GLRA3: variants seen among roughly 807,000 people sequenced by gnomAD.
GLRA3 encodes glycine receptor subunit alpha-3.
In GLRA3, 44 loss-of-function variants were observed where a neutral mutation model predicts 60.4. That is an observed-to-expected ratio of 0.73 (90% CI 0.57 to 0.94). The LOEUF (loss-of-function observed/expected upper bound fraction) is 0.94. GLRA3 is among the 40% of genes least tolerant of loss of function. GLRA3 has a pLI of 0.00. For missense variants in GLRA3, 508 were observed against 564.6 expected (o/e 0.90, Z 1.02); for synonymous variants, 223 against 192.9 (o/e 1.16, Z -1.29).
In GLRA3 at chr4:174,790,636, C is replaced by T. The variant is rs185770220; in HGVS notation, c.72-1693G>A. On this transcript the variant is annotated intron_variant, in intron 1 of 9. Transcript: ENST00000274093. Reference sequence around the variant, plus strand: ...TACCTCCTCCTACCAACAAATATACCAATTTATCTTGACCTGAACCAATAA... The same window carrying T: ...TACCTCCTCCTACCAACAAATATACTAATTTATCTTGACCTGAACCAATAA... Among the ~76,000 whole-genome samples the T allele has an allele frequency of 3.0e-3, 452 of 151,610 alleles. 5 individuals carry two copies. The highest frequency in any genetic ancestry group is 0.01 in the African/African-American group (419 of 41,362).
At chr4:174,810,023 TTCA>T (rs1740198718) in intron 1 of GLRA3, among the ~76,000 whole-genome samples, 1 of 152,202 alleles carries the variant, frequency 6.6e-6, no homozygotes. Flanking sequence ...CATTTTCATC[TTCA>T]AATAGGTTTT....
intron 5 of GLRA3, among the ~76,000 whole-genome samples, chr4:174,699,796 GTTAA>G (rs1561063759): frequency 9.9e-6 from 1 of 101,156 alleles, no homozygotes; most frequent in African/African-American, 3.5e-5. Flanking sequence ...AACATTATTT[GTTAA>G]TTATTTAATT....
intron 2 of GLRA3, among the ~76,000 whole-genome samples, chr4:174,788,140 A>C (rs1229480575): frequency 6.6e-6 from 1 of 152,098 alleles, no homozygotes; most frequent in African/African-American, 2.4e-5. Flanking sequence ...ATCTGGAAGC[A>C]GCTTTCTAAT....
At chr4:174,785,417 A>G (rs765405109) in intron 2 of GLRA3, among the ~76,000 whole-genome samples, 10 of 152,194 alleles carry the variant, frequency 6.6e-5, no homozygotes, top group Non-Finnish European at 1.3e-4. Flanking sequence ...AAATAAATTC[A>G]TAATTATGTA....
intron 7 of GLRA3, among the ~76,000 whole-genome samples, chr4:174,675,642 TTGAG>T (rs1290987811): frequency 6.6e-6 from 1 of 152,162 alleles, no homozygotes; most frequent in Non-Finnish European, 1.5e-5. Flanking sequence ...TAAATAAGCA[TTGAG>T]TATTATTAGT....
intron 1 of GLRA3, among the ~76,000 whole-genome samples, chr4:174,790,628 A>AAAT (rs1244000264): frequency 6.6e-6 from 1 of 151,828 alleles, no homozygotes; most frequent in Admixed American, 6.6e-5. Context: ...TCCTACCAAC[A>AAAT]AATATACCAA....
intron 7 of GLRA3, among the ~76,000 whole-genome samples, chr4:174,665,385 T>G (rs1047585610): frequency 6.6e-6 from 1 of 151,968 alleles, no homozygotes; most frequent in African/African-American, 2.4e-5. Flanking sequence ...CATCTCAGCA[T>G]CCCACTTCCA....
chr4:174,756,762 A>T (rs1019819535), intron 3 of GLRA3, among the ~76,000 whole-genome samples: 5 of 150,918 alleles, frequency 3.3e-5, no homozygotes, highest in African/African-American at 1.2e-4. Flanking sequence ...CTCCTGCCTC[A>T]GCCTCCCGAG....
intron 1 of GLRA3, among the ~76,000 whole-genome samples, chr4:174,790,177 T>G (rs887244079): frequency 1.3e-5 from 2 of 152,186 alleles, no homozygotes; most frequent in African/African-American, 4.8e-5. Context: ...TGTCTGGTTC[T>G]GGGCACTCTG....
intron 6 of GLRA3, among the ~76,000 whole-genome samples, chr4:174,678,920 A>G (rs531200489): frequency 6.6e-4 from 100 of 152,328 alleles, no homozygotes; most frequent in South Asian, 1.4e-3. Context: ...AGTAACAAAT[A>G]CTAACCATTC....
At chr4:174,796,933 T>C (rs551138145) in intron 1 of GLRA3, among the ~76,000 whole-genome samples, 1 of 152,262 alleles carries the variant, frequency 6.6e-6, no homozygotes, top group African/African-American at 2.4e-5. Context: ...TTTCTTCTTA[T>C]TACAGTAATA....
chr4:174,789,367 T>C (rs1739239543), intron 1 of GLRA3, among the ~76,000 whole-genome samples: 1 of 151,742 alleles, frequency 6.6e-6, no homozygotes, highest in Non-Finnish European at 1.5e-5. Context: ...TCAGGTTTTG[T>C]GAATTATTCT....
intron 5 of GLRA3, among the ~76,000 whole-genome samples, chr4:174,696,857 A>G (rs1313046795): frequency 6.6e-6 from 1 of 152,126 alleles, no homozygotes; most frequent in Non-Finnish European, 1.5e-5. Flanking sequence ...AGGAAGAGAA[A>G]GTAAAAGGGA....
intron 1 of GLRA3, among the ~76,000 whole-genome samples, chr4:174,815,290 G>A (rs527635651): frequency 4.5e-4 from 68 of 152,266 alleles, no homozygotes; most frequent in Non-Finnish European, 3.7e-4. Flanking sequence ...CCCCACTCCT[G>A]GCTGTTTTCA....
Position 174,715,421 on chromosome 4 carries a change from T to G in GLRA3, c.574+67A>C. ...TGATTACAAAATAAATTATCCATAT[T>G]AGGCATTAAAAGCTTGTATCTACTA... On this transcript the variant is annotated intron_variant, in intron 5 of 9. Transcript: ENST00000274093. 3 of 766,306 alleles carry G rather than the reference T, an allele frequency of 3.9e-6. No individual in the cohort carries two copies. In the East Asian group the frequency reaches 7.4e-5, roughly 19 times the overall value. The allele number at this position is 766,306 out of a possible 1,614,324, so 47.5% of individuals were successfully genotyped here.
At chr4:174,657,039 C>T (rs189419850) in intron 8 of GLRA3, among the ~76,000 whole-genome samples, 13 of 152,198 alleles carry the variant, frequency 8.5e-5, no homozygotes, top group Non-Finnish European at 1.8e-4. Context: ...AAGTAGTTAT[C>T]AGAAAATAAT....
chr4:174,644,398 A>T (rs1021542585), intron 9 of GLRA3, among the ~76,000 whole-genome samples: 1 of 135,128 alleles, frequency 7.4e-6, no homozygotes, highest in Non-Finnish European at 1.5e-5. Context: ...ATATGTTCAT[A>T]AACTAGATTT....
Position 174,639,826 on chromosome 4 carries a change from T to TAA in GLRA3, c.*3958_*3959dup, listed in dbSNP as rs138929833. 3 of 151,518 alleles carry TAA rather than the reference T, an allele frequency of 2.0e-5. No individual in the cohort carries two copies. The highest frequency in any genetic ancestry group is 4.8e-5 in the African/African-American group (2 of 41,276). 9.4% of individuals were successfully genotyped at this position (151,518 alleles called of 1,614,324 possible). On this transcript the variant is annotated 3_prime_UTR_variant, in exon 10 of 10. Transcript: ENST00000274093. ...TATCCATGAAAGGTTTATATAACAA[T>TAA]AAAAAAAATGCAGTGAGGCTATATT... is the stretch of plus-strand genomic sequence containing the variant.
At chr4:174,824,317 A>C (rs1740869220) in intron 1 of GLRA3, among the ~76,000 whole-genome samples, 2 of 152,206 alleles carry the variant, frequency 1.3e-5, no homozygotes, top group African/African-American at 4.8e-5. Context: ...GTTTCTTTAC[A>C]TAGCTCTTAA....
Sources: allele counts gnomAD v4.1 joint callset (sites outside exome capture counted in the v4.1 genomes callset), GRCh38; gene constraint gnomAD v4.1.1; transcripts MANE v1.5; gene names NCBI Gene and HGNC (gene_info 2026-07-23, HGNC 2026-07-21).